IQCJ: variants seen among roughly 807,000 people sequenced by gnomAD.
The protein encoded by IQCJ is IQ domain-containing protein J.
IQCJ carries 9 observed loss-of-function variants against 11.0 expected under a neutral mutation model. The ratio of observed to expected loss-of-function variants is 0.82; its 90% CI spans 0.49 to 1.43. The LOEUF is 1.43. IQCJ is among the 40% of genes most tolerant of loss of function. IQCJ has a pLI of 0.00. For missense variants in IQCJ, 146 were observed against 133.2 expected (o/e 1.10, Z -0.47); for synonymous variants, 55 against 51.3 (o/e 1.07, Z -0.31).
intron 1 of IQCJ, among the ~76,000 whole-genome samples, chr3:159,090,692 G>A (rs933822584): frequency 1.3e-5 from 2 of 151,870 alleles, no homozygotes; most frequent in African/African-American, 4.9e-5. Context: ...GCTGTGGAGA[G>A]CGTACAGCGG....
chr3:159,109,369 G>C (rs949160187), intron 1 of IQCJ, among the ~76,000 whole-genome samples: 6 of 152,030 alleles, frequency 3.9e-5, no homozygotes, highest in African/African-American at 1.4e-4. Context: ...GTTACTTGGA[G>C]CCTTAAGGAG....
chr3:159,174,074 A>G (rs1299868156), intron 1 of IQCJ, among the ~76,000 whole-genome samples: 1 of 152,104 alleles, frequency 6.6e-6, no homozygotes, highest in East Asian at 1.9e-4. Flanking sequence ...TTTATGTTCA[A>G]TCAACTCCTC....
intron 3 of IQCJ, among the ~76,000 whole-genome samples, chr3:159,256,692 C>T (rs1272814286): frequency 1.3e-5 from 2 of 152,186 alleles, no homozygotes; most frequent in Non-Finnish European, 2.9e-5. Context: ...CAAGACTAGA[C>T]ATTTAGTCTA....
At chr3:159,165,274 A>G (rs1722099557) in intron 1 of IQCJ, among the ~76,000 whole-genome samples, 6 of 152,260 alleles carry the variant, frequency 3.9e-5, no homozygotes, top group Admixed American at 3.3e-4. Flanking sequence ...GTCCAAATAT[A>G]TACTGTGATG....
intron 1 of IQCJ, among the ~76,000 whole-genome samples, chr3:159,157,252 T>C (rs142658410): frequency 6.6e-6 from 1 of 152,158 alleles, no homozygotes; most frequent in African/African-American, 2.4e-5. Context: ...TCTGTGGACA[T>C]CTCCTCACAA....
At chr3:159,174,056 T>A (rs1397525769) in intron 1 of IQCJ, among the ~76,000 whole-genome samples, 3 of 152,116 alleles carry the variant, frequency 2.0e-5, no homozygotes, top group Non-Finnish European at 1.5e-5. Flanking sequence ...AAATGTTATC[T>A]CATAACATTT....
At chr3:159,152,233 A>T (rs1345906742) in intron 1 of IQCJ, among the ~76,000 whole-genome samples, 1 of 152,172 alleles carries the variant, frequency 6.6e-6, no homozygotes, top group African/African-American at 2.4e-5. Flanking sequence ...CTGTTCCGTA[A>T]CGTAATGATG....
intron 1 of IQCJ, among the ~76,000 whole-genome samples, chr3:159,183,352 CT>C (rs1452593322): frequency 3.3e-5 from 5 of 152,048 alleles, no homozygotes; most frequent in South Asian, 2.1e-4. Flanking sequence ...TCTTTTTTGA[CT>C]GATTTCCCAG....
downstream of IQCJ, among the ~76,000 whole-genome samples, chr3:159,264,179 A>C (rs772946274): frequency 2.0e-5 from 3 of 152,228 alleles, no homozygotes; most frequent in Non-Finnish European, 4.4e-5. Context: ...ATTCACGACA[A>C]TTCTCAATTG....
At chr3:159,200,525 C>T (rs1724266380) in intron 1 of IQCJ, among the ~76,000 whole-genome samples, 1 of 152,084 alleles carries the variant, frequency 6.6e-6, no homozygotes, top group African/African-American at 2.4e-5. Context: ...AGGGAGGGGA[C>T]TTGCAGAATT....
chr3:159,130,923 G>A (rs1265973187), intron 1 of IQCJ, among the ~76,000 whole-genome samples: 1 of 152,126 alleles, frequency 6.6e-6, no homozygotes, highest in Non-Finnish European at 1.5e-5. Flanking sequence ...CTATCTTTCA[G>A]AAGAAAAGTG....
intron 1 of IQCJ, among the ~76,000 whole-genome samples, chr3:159,168,282 G>C (rs1399113310): frequency 1.2e-4 from 19 of 152,126 alleles, no homozygotes; most frequent in Non-Finnish European, 5.9e-5. Flanking sequence ...GAGTCCCCTA[G>C]TGACTGAAGA....
chr3:159,264,591 G>C (rs1301113463), downstream of IQCJ, among the ~76,000 whole-genome samples: 1 of 152,158 alleles, frequency 6.6e-6, no homozygotes, highest in East Asian at 1.9e-4. Context: ...GAGGATGACT[G>C]TATTCAGTGA....
At chr3:159,111,820 G>C (rs1442326878) in intron 1 of IQCJ, among the ~76,000 whole-genome samples, 1 of 152,122 alleles carries the variant, frequency 6.6e-6, no homozygotes, top group African/African-American at 2.4e-5. Flanking sequence ...AGTTTTATTT[G>C]CATTTAATTT....
At chr3:159,114,237 G>C (rs965139537) in intron 1 of IQCJ, among the ~76,000 whole-genome samples, 3 of 151,874 alleles carry the variant, frequency 2.0e-5, no homozygotes, top group Non-Finnish European at 4.4e-5. Flanking sequence ...TTCCTTTGGT[G>C]TATGAATAAT....
chr3:159,256,505 A>C (rs9862769), intron 3 of IQCJ, among the ~76,000 whole-genome samples: 22,822 of 152,190 alleles, frequency 0.15, 1,949 homozygotes, highest in Middle Eastern at 0.21. Flanking sequence ...ATATGAGAGA[A>C]GAGTGGTTGA....
intron 3 of IQCJ, among the ~76,000 whole-genome samples, chr3:159,258,779 T>A (rs1205182079): frequency 3.3e-5 from 5 of 152,196 alleles, no homozygotes; most frequent in Admixed American, 6.5e-5. Context: ...AAACCAATTA[T>A]CAACTGCACC....
chr3:159,079,717 A>AT (rs1260310622), intron 1 of IQCJ, among the ~76,000 whole-genome samples: 9 of 151,950 alleles, frequency 5.9e-5, no homozygotes, highest in African/African-American at 2.2e-4. Flanking sequence ...ATGTCAATAC[A>AT]TTTTTTCCTA....
intron 1 of IQCJ, among the ~76,000 whole-genome samples, chr3:159,182,849 G>T (rs1311943549): frequency 6.6e-6 from 1 of 151,686 alleles, no homozygotes; most frequent in Non-Finnish European, 1.5e-5. Flanking sequence ...TAGGTCAGGG[G>T]TCAATCTTTA....
Sources: allele counts gnomAD v4.1 joint callset (sites outside exome capture counted in the v4.1 genomes callset), GRCh38; gene constraint gnomAD v4.1.1; transcripts MANE v1.5; gene names NCBI Gene and HGNC (gene_info 2026-07-23, HGNC 2026-07-21).